The following ATP6V1E2 variants were observed in gnomAD, a reference collection of about 807,000 sequenced individuals.
The protein encoded by ATP6V1E2 is V-type proton ATPase subunit E 2.
For synonymous variants in ATP6V1E2, 121 were observed against 104.2 expected (o/e 1.16, Z -0.98); for missense variants, 308 against 273.3 (o/e 1.13, Z -0.90).
In ATP6V1E2 at chr2:46,536,647, G is replaced by A. The variant is rs1213315914; in HGVS notation, c.-253C>T. 1 of 152,242 alleles carries A rather than the reference G, an allele frequency of 6.6e-6. No individual in the cohort carries two copies. Among genetic ancestry groups the A allele is most frequent in the Non-Finnish European group, 1.5e-5 (1 of 68,064 alleles). The allele number at this position is 152,242 out of a possible 1,614,324, so 9.4% of individuals were successfully genotyped here. On this transcript the variant is annotated 5_prime_UTR_variant, in exon 3 of 5. Coordinates refer to ENST00000522587, the MANE Select transcript of ATP6V1E2 (RefSeq NM_001318063.2). The stretch of plus-strand genomic sequence containing the variant: ...AAGAAGATGGTTCACAGAGGGAGAA[G>A]AATACAGGCCAAAATTAGGGATTCA...
chr2:46,520,618 C>T (rs1421167793), intron 4 of ATP6V1E2, among the ~76,000 whole-genome samples: 2 of 152,214 alleles, frequency 1.3e-5, no homozygotes, highest in Non-Finnish European at 2.9e-5. Context: ...ATATTCAGGC[C>T]CAGTTTAAGC....
chr2:46,522,214 G>A (rs993028498), intron 4 of ATP6V1E2, among the ~76,000 whole-genome samples: 1 of 151,048 alleles, frequency 6.6e-6, no homozygotes, highest in African/African-American at 2.4e-5. Flanking sequence ...TGCTTGAGAG[G>A]TCGAGGTTGC....
intron 2 of ATP6V1E2, among the ~76,000 whole-genome samples, chr2:46,538,260 G>A (rs550800820): frequency 2.5e-4 from 38 of 152,262 alleles, no homozygotes; most frequent in African/African-American, 8.7e-4. Context: ...CCAAATGACA[G>A]GTCCAAGCTT....
chr2:46,520,299 A>T (rs1666548535), intron 4 of ATP6V1E2, among the ~76,000 whole-genome samples: 1 of 152,260 alleles, frequency 6.6e-6, no homozygotes, highest in Admixed American at 6.5e-5. Context: ...GATGGAGATT[A>T]TGAGCCCACA....
At position 46,512,545 on chromosome 2, in the gene ATP6V1E2, T is replaced by C. The variant is rs182898045; in HGVS notation, c.167A>G (p.Tyr56Cys). ...TATCTGCTTCTCCTTTTTCTCATAA[T>C]ACTCCATAATCTTCAGTCGTTGGGT... ...VQTQRLKIME[Y>C]YEKKEKQIEQ... Residue 56 changes from tyrosine (Y) to cysteine (C), a missense_variant, in exon 5 of 5, where the codon TAT becomes TGT. By Grantham distance (194) the Tyr-to-Cys change is radical. Coordinates refer to ENST00000522587, the MANE Select transcript of ATP6V1E2 (RefSeq NM_001318063.2). 37 of 1,614,234 alleles carry C rather than the reference T, an allele frequency of 2.3e-5. No homozygotes were observed. In the East Asian group the frequency reaches 4.5e-4, roughly 19 times the overall value.
intron 4 of ATP6V1E2, among the ~76,000 whole-genome samples, chr2:46,531,147 C>G (rs1178047008): frequency 6.6e-6 from 1 of 151,988 alleles, no homozygotes; most frequent in East Asian, 1.9e-4. Flanking sequence ...CAAAAGGAAA[C>G]CTCATATTCA....
At chr2:46,516,682 T>G (rs1687723980) in intron 4 of ATP6V1E2, among the ~76,000 whole-genome samples, 1 of 151,972 alleles carries the variant, frequency 6.6e-6, no homozygotes, top group South Asian at 2.1e-4. Flanking sequence ...ATACCTAAAC[T>G]TATGAGATGC....
intron 4 of ATP6V1E2, among the ~76,000 whole-genome samples, chr2:46,514,254 G>C (rs549263306): frequency 1.3e-5 from 2 of 152,024 alleles, no homozygotes; most frequent in African/African-American, 4.8e-5. Context: ...AGTCCAGCTT[G>C]GGTGACAAGA....
chr2:46,520,209 C>A (rs1384020513), intron 4 of ATP6V1E2, among the ~76,000 whole-genome samples: 2 of 152,208 alleles, frequency 1.3e-5, no homozygotes, highest in Admixed American at 1.3e-4. Context: ...GGTTAAAAGG[C>A]AGGGATTGAG....
chr2:46,523,462 A>G (rs887363808), intron 4 of ATP6V1E2, among the ~76,000 whole-genome samples: 2 of 152,198 alleles, frequency 1.3e-5, no homozygotes, highest in African/African-American at 4.8e-5. Flanking sequence ...ATGGCTAGTC[A>G]GTTTTCCCAG....
chr2:46,531,797 T>C (rs1421985341), intron 4 of ATP6V1E2, among the ~76,000 whole-genome samples: 1 of 152,250 alleles, frequency 6.6e-6, no homozygotes, highest in East Asian at 1.9e-4. Flanking sequence ...TGATGTTGAA[T>C]ACCTTTTCAT....
chr2:46,523,415 A>C (rs7606227), intron 4 of ATP6V1E2, among the ~76,000 whole-genome samples: 77,610 of 152,036 alleles, frequency 0.51, 20,166 homozygotes, highest in East Asian at 0.82. Context: ...TTTTTACATA[A>C]GGTGTAAGGA....
At chr2:46,528,241 C>A (rs1244667664) in intron 4 of ATP6V1E2, among the ~76,000 whole-genome samples, 2 of 152,182 alleles carry the variant, frequency 1.3e-5, no homozygotes, top group Non-Finnish European at 2.9e-5. Flanking sequence ...ATTTGCAGGA[C>A]AAAATATTTG....
At chr2:46,515,813 C>T (rs35272216) in intron 4 of ATP6V1E2, among the ~76,000 whole-genome samples, 49,624 of 152,006 alleles carry the variant, frequency 0.33, 8,288 homozygotes, top group Middle Eastern at 0.36. Flanking sequence ...AGGACACACA[C>T]AGGCTGAGGG....
At chr2:46,515,920 G>T (rs1687692773) in intron 4 of ATP6V1E2, among the ~76,000 whole-genome samples, 1 of 152,122 alleles carries the variant, frequency 6.6e-6, no homozygotes, top group Admixed American at 6.5e-5. Flanking sequence ...GTCAAGAACT[G>T]TCACAAGAGA....
chr2:46,533,781 G>C (rs899015708), intron 4 of ATP6V1E2, among the ~76,000 whole-genome samples: 1 of 151,984 alleles, frequency 6.6e-6, no homozygotes, highest in East Asian at 1.9e-4. Flanking sequence ...GCCTTTTGTT[G>C]TCTGACAAAC....
At chr2:46,525,483 A>AAAAAAAAAAAAAG (rs1666869659) in intron 4 of ATP6V1E2, among the ~76,000 whole-genome samples, 1 of 149,192 alleles carries the variant, frequency 6.7e-6, no homozygotes, top group African/African-American at 2.5e-5. Flanking sequence ...AAAAGAAAAA[A>AAAAAAAAAAAAAG]AAAAAAGAAA....
rs72800529 is a variant in ATP6V1E2, at chr2:46,524,171, T to C, written c.-101-11359A>G. ...TTTGTAAATATAAAATCATGTCGTC[T>C]GCAAACAGCAACTTGACTTCCTCTC... On this transcript the variant is annotated intron_variant, in intron 4 of 4. Transcript: ENST00000522587. Among the ~76,000 whole-genome samples, 374 of 151,236 alleles carry C rather than the reference T, an allele frequency of 2.5e-3. 1 individual carries two copies. Among genetic ancestry groups the C allele is most frequent in the Non-Finnish European group, 2.7e-3 (187 of 68,022 alleles).
intron 4 of ATP6V1E2, among the ~76,000 whole-genome samples, chr2:46,527,510 C>T (rs1200184396): frequency 3.9e-5 from 6 of 152,088 alleles, no homozygotes; most frequent in Admixed American, 6.5e-5. Context: ...CGGGAGCTAC[C>T]GCGCCCGGCT....
Sources: allele counts gnomAD v4.1 joint callset (sites outside exome capture counted in the v4.1 genomes callset), GRCh38; gene constraint gnomAD v4.1.1; transcripts MANE v1.5; gene names NCBI Gene and HGNC (gene_info 2026-07-23, HGNC 2026-07-21).